The following TIAM2 variants were observed in gnomAD, a reference collection of about 807,000 sequenced individuals.
TIAM2 encodes rho guanine nucleotide exchange factor TIAM2.
A neutral mutation model predicts 152.9 loss-of-function variants in TIAM2; 80 were observed. That is an observed-to-expected ratio of 0.52 (90% CI 0.44 to 0.63). The LOEUF is 0.63. Ranked by LOEUF, TIAM2 falls within the 30% of genes least tolerant of loss-of-function variation. TIAM2 has a pLI of 0.00. For missense variants in TIAM2, 1,965 were observed against 2,120.1 expected (o/e 0.93, Z 1.44); for synonymous variants, 804 against 838.0 (o/e 0.96, Z 0.70).
Position 155,183,460 on chromosome 6 carries a change from G to A in TIAM2, c.3024G>A (p.Leu1008=), listed in dbSNP as rs1215889164. 6.2e-7 allele frequency: 1 copy of A among 1,613,760 alleles called. No homozygotes were observed. The highest frequency in any genetic ancestry group is 8.5e-7 in the Non-Finnish European group (1 of 1,179,934). ...LLPPPNQSQL[L]EEFLDNFKKN... ...CCCCTCCTAACCAGTCCCAACTGCT[G>A]GAGGAATTCCTGGATAACTTTAAAA... The change falls in exon 14 of 27, where the codon CTG becomes CTA. Residue 1008 remains leucine, a synonymous_variant. Coordinates refer to ENST00000682666, the MANE Select transcript of TIAM2 (RefSeq NM_012454.4).
At chr6:155,077,038 C>T (rs1777977856) in intron 1 of TIAM2, among the ~76,000 whole-genome samples, 1 of 152,188 alleles carries the variant, frequency 6.6e-6, no homozygotes, top group African/African-American at 2.4e-5. Context: ...ATTTCACATA[C>T]ATAACGTTTA....
chr6:155,248,625 G>A (rs1318304224), intron 20 of TIAM2, among the ~76,000 whole-genome samples: 1 of 151,968 alleles, frequency 6.6e-6, no homozygotes, highest in Non-Finnish European at 1.5e-5. Flanking sequence ...TCTGAGCAGA[G>A]CTCGGCTTCA....
At chr6:155,113,544 A>C (rs1778913254) in intron 2 of TIAM2, among the ~76,000 whole-genome samples, 1 of 151,976 alleles carries the variant, frequency 6.6e-6, no homozygotes, top group Admixed American at 6.6e-5. Flanking sequence ...AACACTGTGA[A>C]ACCCCATCTC....
At chr6:155,122,798 T>TA (rs1358925133) in intron 2 of TIAM2, among the ~76,000 whole-genome samples, 1 of 152,112 alleles carries the variant, frequency 6.6e-6, no homozygotes, top group Admixed American at 6.6e-5. Context: ...TGCGGGTGAC[T>TA]GTACGTATAC....
chr6:155,167,471 C>G (rs1224933806), intron 9 of TIAM2, among the ~76,000 whole-genome samples: 3 of 152,180 alleles, frequency 2.0e-5, no homozygotes, highest in Non-Finnish European at 4.4e-5. Context: ...ATCCACCTGC[C>G]TCTATCTCCC....
chr6:155,065,850 C>T (rs1251367590), intron 1 of TIAM2, among the ~76,000 whole-genome samples: 3 of 152,100 alleles, frequency 2.0e-5, no homozygotes, highest in Admixed American at 6.5e-5. Context: ...CATGGTGTCC[C>T]TGGTTGGAAA....
intron 16 of TIAM2, among the ~76,000 whole-genome samples, chr6:155,242,346 T>C (rs535080594): frequency 6.6e-6 from 1 of 152,318 alleles, no homozygotes; most frequent in East Asian, 1.9e-4. Flanking sequence ...CACAGAATCT[T>C]GTTGTTTTTT....
intron 4 of TIAM2, among the ~76,000 whole-genome samples, chr6:155,135,827 A>G (rs1218424293): frequency 1.3e-5 from 2 of 152,196 alleles, no homozygotes; most frequent in Admixed American, 1.3e-4. Flanking sequence ...TAGGTACTCA[A>G]ATGAAAGGAT....
intron 15 of TIAM2, among the ~76,000 whole-genome samples, chr6:155,215,470 A>G (rs1781832247): frequency 6.6e-6 from 1 of 152,244 alleles, no homozygotes; most frequent in African/African-American, 2.4e-5. Flanking sequence ...TCTCAAGTCT[A>G]ACGTAGTTAT....
At position 155,257,601 on chromosome 6, in the gene TIAM2, G is replaced by A. The variant is rs1054977223; in HGVS notation, c.*480G>A. On this transcript the variant is annotated 3_prime_UTR_variant, in exon 27 of 27. Coordinates refer to ENST00000682666, the MANE Select transcript of TIAM2 (RefSeq NM_012454.4). ...TGTAAGATAGATTGTAATAGATGCT[G>A]TTTATACTAAACATGTCATAACTAT... The A allele has an allele frequency of 2.0e-6, 1 of 510,654 alleles. No individual in the cohort carries two copies. The highest frequency in any genetic ancestry group is 3.4e-6 in the Non-Finnish European group (1 of 292,408). The allele number at this position is 510,654 out of a possible 1,614,324, so 31.6% of individuals were successfully genotyped here. A position where few individuals can be genotyped will look rare whatever the true frequency, so the allele number is the denominator to read the frequency against.
At chr6:155,128,843 A>G (rs550015743) in intron 3 of TIAM2, among the ~76,000 whole-genome samples, 5 of 152,160 alleles carry the variant, frequency 3.3e-5, no homozygotes, top group Admixed American at 2.6e-4. Flanking sequence ...TCCAGCCTGG[A>G]TGATAACAGT....
chr6:155,214,730 T>G lies in TIAM2; in HGVS notation c.3168+3423T>G, dbSNP rs1016607303. Among the ~76,000 whole-genome samples the G allele has an allele frequency of 4.6e-5, 7 of 152,248 alleles. No individual in the cohort carries two copies. The highest frequency in any genetic ancestry group is 4.1e-4 in the South Asian group (2 of 4,838). On this transcript the variant is annotated intron_variant, in intron 15 of 26. Transcript: ENST00000682666. This position sits in a 1 kb window ranked among gnomAD's most constrained non-coding sequence, Gnocchi z 5.4. Reference sequence around the variant, plus strand: ...AATATCATATCTAATGTTCATTAGCTTTTTAATGAAGCAGTGGATCCTAGA... The same window carrying G: ...AATATCATATCTAATGTTCATTAGCGTTTTAATGAAGCAGTGGATCCTAGA...
At position 155,240,657 on chromosome 6, in the gene TIAM2, G is replaced by A. The variant is rs201811882; in HGVS notation, c.3296G>A (p.Arg1099His). The A allele has an allele frequency of 1.9e-4, 311 of 1,613,776 alleles. 1 individual carries two copies. The highest frequency in any genetic ancestry group is 2.4e-4 in the East Asian group (11 of 44,898). The change falls in exon 16 of 27, where the codon CGC becomes CAC. Residue 1099 changes from arginine to histidine, a missense_variant. Physicochemically the swap from Arg to His is conservative, Grantham distance 29. Coordinates refer to ENST00000682666, the MANE Select transcript of TIAM2 (RefSeq NM_012454.4). ...SLARHLSDAD[R>H]LRKVIQELVD... ...GCCCGCCACCTGTCTGATGCAGACCGCCTCCGCAAAGTCATCCAGGAGCTT... is the reference window on the plus strand; with the variant it reads ...GCCCGCCACCTGTCTGATGCAGACCACCTCCGCAAAGTCATCCAGGAGCTT...
At chr6:155,034,163 C>G (rs1776878611) in intron 1 of TIAM2, among the ~76,000 whole-genome samples, 2 of 152,056 alleles carry the variant, frequency 1.3e-5, no homozygotes, top group African/African-American at 4.8e-5. Flanking sequence ...TTGCTTTGCC[C>G]CTGCCTTCAT....
At chr6:155,026,505 G>A (rs2114874057) in intron 1 of TIAM2, among the ~76,000 whole-genome samples, 1 of 152,282 alleles carries the variant, frequency 6.6e-6, no homozygotes, top group South Asian at 2.1e-4. Context: ...TGTTTCGAAG[G>A]GCATGGACAA....
At chr6:155,088,674 T>TTG (rs1778226680) in intron 1 of TIAM2, among the ~76,000 whole-genome samples, 1 of 152,180 alleles carries the variant, frequency 6.6e-6, no homozygotes, top group Non-Finnish European at 1.5e-5. Flanking sequence ...TGAACTCCAA[T>TTG]CTCAGTCCCC....
chr6:155,252,419 T>G (rs774304213), intron 23 of TIAM2, among the ~76,000 whole-genome samples: 2 of 152,160 alleles, frequency 1.3e-5, no homozygotes, highest in Non-Finnish European at 2.9e-5. Context: ...CAGTGAGCCT[T>G]GATCATGCCA....
chr6:155,015,946 A>C (rs1204625062), intron 1 of TIAM2, among the ~76,000 whole-genome samples: 8 of 96,530 alleles, frequency 8.3e-5, no homozygotes, highest in Admixed American at 3.9e-4. Flanking sequence ...CAAAAAACCA[A>C]AAAAAAAAAA....
At chr6:155,078,087 C>A (rs1403596311) in intron 1 of TIAM2, among the ~76,000 whole-genome samples, 1 of 152,020 alleles carries the variant, frequency 6.6e-6, no homozygotes, top group Non-Finnish European at 1.5e-5. Context: ...GAGACAGGGT[C>A]TCACTCTGTC....
Sources: allele counts gnomAD v4.1 joint callset (sites outside exome capture counted in the v4.1 genomes callset), GRCh38; gene constraint gnomAD v4.1.1; non-coding constraint Gnocchi (gnomAD v3.1); transcripts MANE v1.5; gene names NCBI Gene and HGNC (gene_info 2026-07-23, HGNC 2026-07-21).